Variants in PRKG1 observed in about 807,000 individuals in gnomAD.
PRKG1 encodes the protein protein kinase cGMP-dependent 1, also known as cGMP-dependent protein kinase 1.
PRKG1 carries 35 observed loss-of-function variants against 88.1 expected under a neutral mutation model. The ratio of observed to expected loss-of-function variants is 0.40; its 90% CI spans 0.30 to 0.53. The LOEUF (loss-of-function observed/expected upper bound fraction) is 0.53. PRKG1 is among the 20% of genes least tolerant of loss of function. The pLI, the probability that PRKG1 is intolerant of heterozygous loss-of-function variation, is 0.59. For synonymous variants in PRKG1, 303 were observed against 292.5 expected (o/e 1.04, Z -0.37); for missense variants, 540 against 839.8 (o/e 0.64, Z 4.41).
intron 9 of PRKG1, among the ~76,000 whole-genome samples, chr10:52,187,937 T>A (rs1438377653): frequency 6.6e-6 from 1 of 152,070 alleles, no homozygotes; most frequent in Non-Finnish European, 1.5e-5. Flanking sequence ...TGGAACGTGA[T>A]AGGATGTAGA....
At chr10:51,548,636 T>C (rs1842502246) in intron 3 of PRKG1, among the ~76,000 whole-genome samples, 1 of 152,186 alleles carries the variant, frequency 6.6e-6, no homozygotes, top group Non-Finnish European at 1.5e-5. Context: ...GATTCCTTTC[T>C]ATTGTGTTAC....
chr10:52,092,592 C>T (rs1847082291), intron 7 of PRKG1, among the ~76,000 whole-genome samples: 1 of 152,124 alleles, frequency 6.6e-6, no homozygotes, highest in African/African-American at 2.4e-5. Context: ...CTGGCAAGCA[C>T]TTTGATTGAT....
At chr10:51,934,140 A>G (rs762924868) in intron 5 of PRKG1, among the ~76,000 whole-genome samples, 58 of 152,162 alleles carry the variant, frequency 3.8e-4, no homozygotes, top group Non-Finnish European at 4.0e-4. Flanking sequence ...TGATTCAAAA[A>G]GCCATCACCC....
At chr10:51,498,502 T>C (rs1840927458) in intron 3 of PRKG1, among the ~76,000 whole-genome samples, 1 of 152,194 alleles carries the variant, frequency 6.6e-6, no homozygotes. Context: ...TTGGTGAAAC[T>C]ATGGGAGGTA....
chr10:51,371,206 C>A (rs1181632712), intron 2 of PRKG1, among the ~76,000 whole-genome samples: 3 of 151,854 alleles, frequency 2.0e-5, no homozygotes, highest in Admixed American at 6.6e-5. Flanking sequence ...TTAGGCAAGC[C>A]ATTTAGCCTT....
chr10:51,142,718 A>G (rs1424041317), intron 1 of PRKG1, among the ~76,000 whole-genome samples: 2 of 152,130 alleles, frequency 1.3e-5, no homozygotes. Flanking sequence ...ATAAGGACAA[A>G]TAAGGTTCTA....
intron 4 of PRKG1, among the ~76,000 whole-genome samples, chr10:51,808,051 G>C (rs1839353155): frequency 6.6e-6 from 1 of 152,060 alleles, no homozygotes; most frequent in Non-Finnish European, 1.5e-5. Context: ...TATTTTTCAA[G>C]GCTATTAAGA....
intron 4 of PRKG1, among the ~76,000 whole-genome samples, chr10:51,856,711 A>C (rs182272886): frequency 6.6e-6 from 1 of 152,048 alleles, no homozygotes; most frequent in African/African-American, 2.4e-5. Context: ...TACGCCTGTA[A>C]TCCCAGCACT....
At chr10:51,202,344 C>T (rs1246574780) in intron 2 of PRKG1, among the ~76,000 whole-genome samples, 6 of 152,200 alleles carry the variant, frequency 3.9e-5, no homozygotes, top group African/African-American at 1.4e-4. Context: ...TGGGATCAGG[C>T]TGAATATAGA....
At chr10:51,388,928 C>A (rs1331543341) in intron 2 of PRKG1, among the ~76,000 whole-genome samples, 1 of 152,214 alleles carries the variant, frequency 6.6e-6, no homozygotes, top group East Asian at 1.9e-4. Context: ...GTGCAACTGA[C>A]AGCAGATCTA....
intron 3 of PRKG1, among the ~76,000 whole-genome samples, chr10:51,589,548 A>T (rs925793181): frequency 3.3e-5 from 5 of 152,170 alleles, no homozygotes; most frequent in Admixed American, 6.5e-5. Context: ...TGCTTGAACC[A>T]GGAGGCGGAG....
chr10:51,800,083 G>A (rs957338367), intron 3 of PRKG1, among the ~76,000 whole-genome samples: 1 of 152,020 alleles, frequency 6.6e-6, no homozygotes, highest in Non-Finnish European at 1.5e-5. Flanking sequence ...ATATAGGAGG[G>A]TATAAAAATA....
chr10:50,992,104 C>T (rs1360224306), intron 1 of PRKG1, among the ~76,000 whole-genome samples: 1 of 152,030 alleles, frequency 6.6e-6, no homozygotes, highest in Non-Finnish European at 1.5e-5. Context: ...CTGTCCGAGC[C>T]TCCTAGGGAG....
intron 3 of PRKG1, among the ~76,000 whole-genome samples, chr10:51,473,042 G>A (rs1034449534): frequency 6.6e-6 from 1 of 151,928 alleles, no homozygotes; most frequent in African/African-American, 2.4e-5. Context: ...AGACAATGAA[G>A]CAAACATAGT....
intron 3 of PRKG1, among the ~76,000 whole-genome samples, chr10:51,757,775 G>A (rs1371424813): frequency 6.6e-6 from 1 of 152,138 alleles, no homozygotes; most frequent in Non-Finnish European, 1.5e-5. Flanking sequence ...GATATATTGT[G>A]TTAAAAAAAT....
intron 5 of PRKG1, among the ~76,000 whole-genome samples, chr10:51,969,519 T>A (rs926884682): frequency 5.9e-5 from 9 of 152,164 alleles, no homozygotes; most frequent in African/African-American, 1.4e-4. Context: ...TTTATTTTCC[T>A]TTAAAATTTA....
At chr10:51,097,029 C>G (rs902288145) in intron 1 of PRKG1, among the ~76,000 whole-genome samples, 2 of 152,148 alleles carry the variant, frequency 1.3e-5, no homozygotes, top group African/African-American at 4.8e-5. Context: ...ATAACTGTCC[C>G]TCTGGTACCT....
At chr10:51,117,722 A>C (rs1305722189) in intron 1 of PRKG1, among the ~76,000 whole-genome samples, 1 of 152,206 alleles carries the variant, frequency 6.6e-6, no homozygotes, top group Non-Finnish European at 1.5e-5. Flanking sequence ...ACAATTTTTG[A>C]TAGCTTTGTA....
intron 3 of PRKG1, among the ~76,000 whole-genome samples, chr10:51,693,481 A>T (rs1442496969): frequency 6.6e-6 from 1 of 151,770 alleles, no homozygotes; most frequent in Non-Finnish European, 1.5e-5. Flanking sequence ...GACTCACTTC[A>T]ATCTCCACCT....
Sources: gnomAD v4.1 joint callset for allele counts (sites outside exome capture counted in the v4.1 genomes callset) on GRCh38, gnomAD v4.1.1 for gene constraint, MANE v1.5 for transcripts, NCBI Gene and HGNC (gene_info 2026-07-23, HGNC 2026-07-21) for gene names.